NCK1: variants seen among roughly 807,000 people sequenced by gnomAD.
NCK1 encodes NCK adaptor protein 1, also known as SH2/SH3 adapter protein NCK1.
In NCK1, 19 loss-of-function variants were observed where a neutral mutation model predicts 36.6. The observed-to-expected ratio is 0.52, with a 90% confidence interval of 0.36 to 0.76. NCK1 has a LOEUF of 0.76. Ranked by LOEUF, NCK1 falls within the 30% of genes least tolerant of loss-of-function variation. The pLI, the probability that NCK1 is intolerant of heterozygous loss-of-function variation, is 0.00. For synonymous variants in NCK1, 165 were observed against 156.0 expected, an observed-to-expected ratio of 1.06 and a Z score of -0.43; for missense variants, 358 against 445.6, an observed-to-expected ratio of 0.80 and a Z score of 1.77.
intron 2 of NCK1, among the ~76,000 whole-genome samples, chr3:136,940,069 C>G (rs1450570769): frequency 7.9e-5 from 12 of 151,958 alleles, no homozygotes; most frequent in Admixed American, 1.3e-4. Context: ...CACCATCTTG[C>G]CCAGGCTGCC....
At chr3:136,871,812 T>C (rs1446911300) in intron 1 of NCK1, among the ~76,000 whole-genome samples, 2 of 152,054 alleles carry the variant, frequency 1.3e-5, no homozygotes, top group Admixed American at 6.6e-5. Flanking sequence ...AGTGAATAGG[T>C]CTTGTGGGAT....
intron 1 of NCK1, among the ~76,000 whole-genome samples, chr3:136,893,256 T>G (rs1939304511): frequency 6.9e-6 from 1 of 144,128 alleles, no homozygotes; most frequent in Non-Finnish European, 1.5e-5. Context: ...TACCCAGGAG[T>G]GGGATTGCTC....
At chr3:136,912,665 T>A (rs2108112819) in intron 1 of NCK1, among the ~76,000 whole-genome samples, 1 of 151,922 alleles carries the variant, frequency 6.6e-6, no homozygotes, top group South Asian at 2.1e-4. Context: ...TTTTTTTTTT[T>A]AAGACAGGGT....
intron 1 of NCK1, among the ~76,000 whole-genome samples, chr3:136,901,363 C>CT (rs112842166): frequency 0.024 from 3,170 of 134,748 alleles, 49 homozygotes; most frequent in African/African-American, 0.043. Flanking sequence ...AGTTTTCTTT[C>CT]TTTTTTTTTT....
intron 2 of NCK1, among the ~76,000 whole-genome samples, chr3:136,931,077 T>G (rs888742769): frequency 2.6e-5 from 4 of 152,122 alleles, no homozygotes; most frequent in African/African-American, 9.7e-5. Flanking sequence ...ATATTTTTAT[T>G]TAATTAATGT....
At chr3:136,917,633 T>A (rs1417616674) in intron 1 of NCK1, among the ~76,000 whole-genome samples, 1 of 152,238 alleles carries the variant, frequency 6.6e-6, no homozygotes, top group Non-Finnish European at 1.5e-5. Context: ...GTCATGCCTC[T>A]GGTTTCTAGT....
chr3:136,870,213 A>G (rs984723456), intron 1 of NCK1, among the ~76,000 whole-genome samples: 5 of 151,848 alleles, frequency 3.3e-5, no homozygotes, highest in Non-Finnish European at 7.4e-5. Context: ...GTGGTGGTGC[A>G]TGCCTGTAAT....
intron 1 of NCK1, among the ~76,000 whole-genome samples, chr3:136,871,791 G>GTTT (rs1224083220): frequency 6.6e-6 from 1 of 152,184 alleles, no homozygotes; most frequent in African/African-American, 2.4e-5. Context: ...TTCTCGTGCT[G>GTTT]TTCTTGTGAT....
chr3:136,913,035 C>A (rs1939868790), intron 1 of NCK1, among the ~76,000 whole-genome samples: 1 of 152,014 alleles, frequency 6.6e-6, no homozygotes, highest in Non-Finnish European at 1.5e-5. Flanking sequence ...TCTGTGTCTT[C>A]TTTTAGTTCT....
intron 1 of NCK1, among the ~76,000 whole-genome samples, chr3:136,876,151 G>A (rs1329202661): frequency 2.0e-5 from 3 of 151,980 alleles, no homozygotes; most frequent in Non-Finnish European, 2.9e-5. Context: ...CGCATTCAAA[G>A]CAGTGTGTAG....
chr3:136,935,357 G>C (rs1220036808), intron 2 of NCK1, among the ~76,000 whole-genome samples: 1 of 151,866 alleles, frequency 6.6e-6, no homozygotes, highest in African/African-American at 2.4e-5. Context: ...TTGAAACTTA[G>C]TCTGTATTTT....
chr3:136,917,617 T>C (rs1176269518), intron 1 of NCK1, among the ~76,000 whole-genome samples: 8 of 152,198 alleles, frequency 5.3e-5, no homozygotes, highest in Admixed American at 5.2e-4. Context: ...ATCTTACACT[T>C]TTCCTGTCAT....
At position 136,898,512 on chromosome 3, in the gene NCK1, A is replaced by T. The variant is rs186773767; in HGVS notation, c.-18-29472A>T. 1.7e-3 allele frequency among the ~76,000 whole-genome samples: 260 copies of T among 152,294 alleles called. 1 individual carries two copies. The highest frequency in any genetic ancestry group is 5.3e-3 in the African/African-American group (219 of 41,558). On this transcript the variant is annotated intron_variant, in intron 1 of 3. Coordinates refer to ENST00000481752, the MANE Select transcript of NCK1 (RefSeq NM_001291999.2). ...AATGTCTTCAAATTCTATTTGTTAT[A>T]GAATAACCATCTAAATAGGAGACAC...
At chr3:136,899,440 C>A (rs201317234) in intron 1 of NCK1, 4 of 176,270 alleles carry the variant, frequency 2.3e-5, no homozygotes, top group Non-Finnish European at 3.5e-5. Flanking sequence ...TTTTAAATTT[C>A]TTTAACTTTA....
Position 136,945,643 on chromosome 3 carries a change from G to A in NCK1, c.287G>A (p.Ser96Asn). ...VPDSASPADD[S>N]FVDPGERLYD... is the part of the protein sequence containing the mutation. ...GATTCTGCATCTCCTGCTGATGATA[G>A]TTTTGTTGACCCAGGGGAACGTCTC... The change falls in exon 3 of 4, where the codon AGT becomes AAT. Residue 96 changes from serine (S) to asparagine (N), a missense_variant. This residue lies in a region of NCK1 where 143 missense variants were observed against 162.4 expected (regional missense o/e 0.88). Coordinates refer to ENST00000481752, the MANE Select transcript of NCK1 (RefSeq NM_001291999.2). 6.2e-7 allele frequency: 1 copy of A among 1,614,088 alleles called. No homozygotes were observed. The highest frequency in any genetic ancestry group is 8.5e-7 in the Non-Finnish European group (1 of 1,179,974).
intron 1 of NCK1, among the ~76,000 whole-genome samples, chr3:136,895,851 C>T (rs1939379047): frequency 6.6e-6 from 1 of 152,176 alleles, no homozygotes; most frequent in Admixed American, 6.5e-5. Flanking sequence ...AGGTATGAGC[C>T]ACCATGCCCA....
At chr3:136,904,792 T>G (rs2108104393) in intron 1 of NCK1, among the ~76,000 whole-genome samples, 1 of 152,030 alleles carries the variant, frequency 6.6e-6, no homozygotes, top group African/African-American at 2.4e-5. Flanking sequence ...TTTGAATATT[T>G]GGTTACTTAA....
chr3:136,916,231 A>G (rs1209972179), intron 1 of NCK1, among the ~76,000 whole-genome samples: 1 of 152,136 alleles, frequency 6.6e-6, no homozygotes, highest in East Asian at 1.9e-4. Context: ...GAGTCCTAAA[A>G]CCATTTTGTG....
rs1940291587 is a variant in NCK1, at chr3:136,928,056, C to A, written c.55C>A (p.Gln19Lys). The change falls in exon 2 of 4, where the codon CAA becomes AAA. Residue 19 changes from glutamine (Q) to lysine (K), a missense_variant. By Grantham distance (53) the Gln-to-Lys change is moderately conservative (BLOSUM62 1). Around this residue, in one of 3 missense-constraint regions of NCK1, gnomAD observed 143 missense variants for 162.4 expected, o/e 0.88. Coordinates refer to ENST00000481752, the MANE Select transcript of NCK1 (RefSeq NM_001291999.2). Reference sequence around the variant, plus strand: ...ATTTGATTATGTGGCCCAACAAGAACAAGAGTTGGACATCAAGAAGAATGA... The same window carrying A: ...ATTTGATTATGTGGCCCAACAAGAAAAAGAGTTGGACATCAAGAAGAATGA... ...AKFDYVAQQE[Q>K]ELDIKKNERL... 1 of 1,614,008 alleles carries A rather than the reference C, an allele frequency of 6.2e-7. No individual in the cohort carries two copies. Among genetic ancestry groups the A allele is most frequent in the African/African-American group, 1.3e-5 (1 of 74,984 alleles).
Sources: allele counts gnomAD v4.1 joint callset (sites outside exome capture counted in the v4.1 genomes callset), GRCh38; gene constraint gnomAD v4.1.1; regional missense constraint gnomAD v4.1.1; transcripts MANE v1.5; gene names NCBI Gene and HGNC (gene_info 2026-07-23, HGNC 2026-07-21).